TMEM150C: variants seen among roughly 807,000 people sequenced by gnomAD.
TMEM150C encodes the protein tentonin 3.
TMEM150C carries 10 observed loss-of-function variants against 29.9 expected under a neutral mutation model. That is an observed-to-expected ratio of 0.33 (90% CI 0.21 to 0.57). The LOEUF (loss-of-function observed/expected upper bound fraction) is 0.57, where lower values mean the gene tolerates loss of function less well. Among genes scored for constraint, TMEM150C ranks in the 20% least tolerant of loss-of-function variants. TMEM150C has a pLI of 0.88. For synonymous variants in TMEM150C, 101 were observed against 112.5 expected, an observed-to-expected ratio of 0.90 and a Z score of 0.64; for missense variants, 251 against 303.6, an observed-to-expected ratio of 0.83 and a Z score of 1.29.
At chr4:82,541,106 G>T (rs141792717) in intron 1 of TMEM150C, among the ~76,000 whole-genome samples, 3 of 152,074 alleles carry the variant, frequency 2.0e-5, no homozygotes, top group Admixed American at 1.3e-4. Flanking sequence ...TCTAGTGCAG[G>T]GTTTGGCACA....
At chr4:82,495,490 C>G in intron 6 of TMEM150C, 1 of 368,244 alleles carries the variant, frequency 2.7e-6, no homozygotes, top group Non-Finnish European at 5.3e-6. Context: ...CCCCAGGTGA[C>G]GAGGCACCCT....
In TMEM150C at chr4:82,513,075, C is replaced by T. The variant is rs190356037; in HGVS notation, c.-10-8408G>A. 2.7e-3 allele frequency among the ~76,000 whole-genome samples: 415 copies of T among 152,354 alleles called. 3 individuals are homozygous for T. The highest frequency in any genetic ancestry group is 9.5e-3 in the African/African-American group (393 of 41,580). On this transcript the variant is annotated intron_variant, in intron 1 of 7. Coordinates refer to ENST00000449862, the MANE Select transcript of TMEM150C (RefSeq NM_001080506.3). ...GAGAGCGGCAGATCTCCTAGCACAG[C>T]GCTCAAGCTCTGCTAAGGGACAGAC...
At chr4:82,560,833 T>C (rs1725896503) in intron 1 of TMEM150C, among the ~76,000 whole-genome samples, 1 of 152,242 alleles carries the variant, frequency 6.6e-6, no homozygotes, top group African/African-American at 2.4e-5. Flanking sequence ...GGCTTTGTTA[T>C]TGTTTTAGAT....
chr4:82,490,446 T>A (rs1723300086), intron 6 of TMEM150C, among the ~76,000 whole-genome samples: 2 of 152,174 alleles, frequency 1.3e-5, no homozygotes, highest in African/African-American at 4.8e-5. Flanking sequence ...CCCCAACCCT[T>A]AAAAACATTT....
At chr4:82,549,844 A>G (rs571395200) in intron 1 of TMEM150C, among the ~76,000 whole-genome samples, 1 of 152,268 alleles carries the variant, frequency 6.6e-6, no homozygotes, top group South Asian at 2.1e-4. Context: ...AAATTTGCAA[A>G]TGCTTGTCTG....
rs869112887 is a variant in TMEM150C at position 82,507,727 on chromosome 4, C to CTTTTTTTTTTTTTTTTTTTTTTTTT, written c.-10-3085_-10-3061dup. Among the ~76,000 whole-genome samples the CTTTTTTTTTTTTTTTTTTTTTTTTT allele has an allele frequency of 3.9e-4, 8 of 20,590 alleles. 1 individual carries two copies. The highest frequency in any genetic ancestry group is 7.7e-4 in the Admixed American group (1 of 1,300). The allele number at this position is 20,590 out of a possible 152,430, so 13.5% of individuals were successfully genotyped here. ...TTAAATTAACTCTCTCTCTCTCTCT[C>CTTTTTTTTTTTTTTTTTTTTTTTTT]TTTTTTTTTTTTTTTTTTTTTTTTT... On this transcript the variant is annotated intron_variant, in intron 1 of 7. Transcript: ENST00000449862.
intron 1 of TMEM150C, among the ~76,000 whole-genome samples, chr4:82,558,653 AATG>A (rs1406187949): frequency 6.6e-6 from 1 of 152,230 alleles, no homozygotes; most frequent in Non-Finnish European, 1.5e-5. Context: ...CATACCAGGA[AATG>A]ATATTTGGTG....
At chr4:82,528,175 A>G (rs969735684) in intron 1 of TMEM150C, among the ~76,000 whole-genome samples, 4 of 152,244 alleles carry the variant, frequency 2.6e-5, no homozygotes, top group African/African-American at 9.6e-5. Flanking sequence ...CATTAGTTCT[A>G]ACTGACAGGA....
chr4:82,526,246 G>T (rs1724648460), intron 1 of TMEM150C, among the ~76,000 whole-genome samples: 1 of 152,152 alleles, frequency 6.6e-6, no homozygotes, highest in East Asian at 1.9e-4. Flanking sequence ...AAAACATTTT[G>T]GGGTTGTGGA....
intron 1 of TMEM150C, among the ~76,000 whole-genome samples, chr4:82,515,507 G>C (rs1292286107): frequency 6.6e-6 from 1 of 152,100 alleles, no homozygotes; most frequent in Admixed American, 6.6e-5. Context: ...GGGAGGCCGA[G>C]GTGGGCAGAT....
chr4:82,518,813 G>A (rs1383699854), intron 1 of TMEM150C, among the ~76,000 whole-genome samples: 2 of 152,080 alleles, frequency 1.3e-5, no homozygotes, highest in African/African-American at 4.8e-5. Flanking sequence ...CAGCTCTACG[G>A]TACTTGGTAG....
At chr4:82,496,255 G>A (rs1420459040) in intron 5 of TMEM150C, 60 bp from the exon 6 acceptor site, 11 of 1,462,092 alleles carry the variant, frequency 7.5e-6, no homozygotes, top group Non-Finnish European at 9.3e-6. Context: ...AGACTGTGAG[G>A]CAGAATTCTA....
At chr4:82,530,084 ATCTC>A (rs144911438) in intron 1 of TMEM150C, among the ~76,000 whole-genome samples, 14 of 147,194 alleles carry the variant, frequency 9.5e-5, no homozygotes, top group South Asian at 8.7e-4. Context: ...CTCTCTTTCA[ATCTC>A]TCTCTCTCTC....
intron 6 of TMEM150C, chr4:82,495,149 A>C: frequency 2.0e-6 from 1 of 498,492 alleles, no homozygotes. Context: ...CTTTAGAGAC[A>C]CTGAAAAGTT....
chr4:82,514,767 C>T (rs1001391537), intron 1 of TMEM150C, among the ~76,000 whole-genome samples: 2 of 152,118 alleles, frequency 1.3e-5, no homozygotes, highest in Admixed American at 1.3e-4. Context: ...GCCTGCCTGG[C>T]ACATACTCAT....
intron 5 of TMEM150C, among the ~76,000 whole-genome samples, chr4:82,497,813 CT>C (rs1723605672): frequency 6.6e-6 from 1 of 152,006 alleles, no homozygotes; most frequent in Non-Finnish European, 1.5e-5. Flanking sequence ...GGCACAACGT[CT>C]TATTAATTTT....
intron 1 of TMEM150C, among the ~76,000 whole-genome samples, chr4:82,541,665 TTGAATTCCCACTATGTACTTAAATAC>T (rs1488313691): frequency 2.0e-5 from 3 of 152,210 alleles, no homozygotes; most frequent in Non-Finnish European, 4.4e-5. Flanking sequence ...TACACATTTA[TTGAATTCCCACTATGTACTTAAATAC>T]TGAATTCCCA....
intron 6 of TMEM150C, among the ~76,000 whole-genome samples, chr4:82,491,939 T>G (rs1211043587): frequency 1.4e-4 from 22 of 151,898 alleles, no homozygotes; most frequent in Non-Finnish European, 2.5e-4. Context: ...AATTCTTGTT[T>G]TTTTTTTTGG....
At chr4:82,523,647 C>T (rs575189619) in intron 1 of TMEM150C, among the ~76,000 whole-genome samples, 1 of 152,062 alleles carries the variant, frequency 6.6e-6, no homozygotes, top group African/African-American at 2.4e-5. Flanking sequence ...ACCCCTTTCC[C>T]TCTCTATTTG....
Sources: allele counts gnomAD v4.1 joint callset (sites outside exome capture counted in the v4.1 genomes callset), GRCh38; gene constraint gnomAD v4.1.1; transcripts MANE v1.5; gene names NCBI Gene and HGNC (gene_info 2026-07-23, HGNC 2026-07-21).